Variants in GPM6B observed in about 807,000 individuals in gnomAD.
GPM6B encodes glycoprotein M6B, also known as neuronal membrane glycoprotein M6-b.
A neutral mutation model predicts 27.2 loss-of-function variants in GPM6B; 4 were observed. The observed-to-expected ratio is 0.15, with a 90% CI of 0.07 to 0.34. GPM6B has a LOEUF of 0.34. Ranked by LOEUF, GPM6B falls within the 10% of genes least tolerant of loss-of-function variation. GPM6B has a pLI of 1.00. For missense variants in GPM6B, 183 were observed against 261.9 expected (o/e 0.70, Z 2.08); for synonymous variants, 124 against 103.1 (o/e 1.20, Z -1.23).
At chrX:13,775,964 G>A (rs1054096331) in intron 7 of GPM6B, among the ~76,000 whole-genome samples, 6 of 112,742 alleles carry the variant, frequency 5.3e-5, no homozygotes, top group African/African-American at 9.7e-5. Flanking sequence ...TAAGTGCTCA[G>A]TGCAACAAGG....
intron 1 of GPM6B, among the ~76,000 whole-genome samples, chrX:13,844,258 T>C (rs916107027): frequency 8.9e-6 from 1 of 112,599 alleles, no homozygotes; most frequent in Non-Finnish European, 1.9e-5. Flanking sequence ...GATCTATATG[T>C]CCATTCTTAG....
At chrX:13,870,557 G>A in intron 1 of GPM6B, among the ~76,000 whole-genome samples, 1 of 111,797 alleles carries the variant, frequency 8.9e-6, no homozygotes, top group Non-Finnish European at 1.9e-5. Flanking sequence ...AAATCATAAA[G>A]CAATAACAAC....
chrX:13,896,993 C>T (rs1230194987), intron 1 of GPM6B, among the ~76,000 whole-genome samples: 3 of 112,245 alleles, frequency 2.7e-5, no homozygotes, highest in African/African-American at 9.7e-5. Flanking sequence ...CTTGATTTTA[C>T]CCATGGAAAC....
chrX:13,859,990 T>C (rs922360752), intron 1 of GPM6B, among the ~76,000 whole-genome samples: 2 of 111,807 alleles, frequency 1.8e-5, no homozygotes, highest in African/African-American at 6.5e-5. Flanking sequence ...CCATCCTCCA[T>C]TCCAGTACCA....
At chrX:13,777,274 T>C in intron 6 of GPM6B, 78 bp downstream of exon 6, 1 of 699,839 alleles carries the variant, frequency 1.4e-6, no homozygotes, top group South Asian at 2.2e-5. Context: ...ACCATCTCTC[T>C]CGCTCTTTCT....
intron 1 of GPM6B, among the ~76,000 whole-genome samples, chrX:13,886,920 G>T (rs1447648725): frequency 9.1e-6 from 1 of 109,716 alleles, no homozygotes; most frequent in Non-Finnish European, 1.9e-5. Flanking sequence ...GGGTTCCAGT[G>T]ATTCTCCTCC....
intron 1 of GPM6B, among the ~76,000 whole-genome samples, chrX:13,937,412 G>A (rs1921893129): frequency 9.0e-6 from 1 of 111,665 alleles, no homozygotes; most frequent in South Asian, 3.8e-4. Context: ...TGTGAAAGAG[G>A]GGGATGAATG....
chrX:13,895,488 T>C (rs771372367), intron 1 of GPM6B, among the ~76,000 whole-genome samples: 19 of 111,232 alleles, frequency 1.7e-4, no homozygotes, highest in African/African-American at 5.9e-4. Context: ...AAGAATTATA[T>C]AGCCAGTTAT....
At chrX:13,861,565 C>T (rs1051125494) in intron 1 of GPM6B, among the ~76,000 whole-genome samples, 3 of 111,741 alleles carry the variant, frequency 2.7e-5, no homozygotes, top group African/African-American at 9.8e-5. Context: ...TATTTTGGCT[C>T]TCAGCAATAT....
At chrX:13,863,393 G>A (rs764618269) in intron 1 of GPM6B, among the ~76,000 whole-genome samples, 4 of 111,629 alleles carry the variant, frequency 3.6e-5, no homozygotes, top group Admixed American at 9.6e-5. Context: ...TATAAAAATG[G>A]TAGATGACAA....
chrX:13,843,693 T>C (rs1569253354), intron 1 of GPM6B, among the ~76,000 whole-genome samples: 1 of 112,537 alleles, frequency 8.9e-6, no homozygotes, highest in Non-Finnish European at 1.9e-5. Context: ...ACTAATGATG[T>C]TGAACATCTT....
intron 7 of GPM6B, chrX:13,773,685 C>A (rs1264538134): frequency 9.0e-6 from 1 of 111,340 alleles, no homozygotes; most frequent in African/African-American, 3.3e-5. Flanking sequence ...GCGGCAAACA[C>A]TTCTTTCCTA....
At chrX:13,880,808 T>C (rs1336208721) in intron 1 of GPM6B, among the ~76,000 whole-genome samples, 1 of 110,804 alleles carries the variant, frequency 9.0e-6, no homozygotes, top group Non-Finnish European at 1.9e-5. Flanking sequence ...TGCCTGCTTA[T>C]TGACCTCATC....
chrX:13,895,008 T>A (rs2050220197), intron 1 of GPM6B, among the ~76,000 whole-genome samples: 1 of 111,930 alleles, frequency 8.9e-6, no homozygotes, highest in South Asian at 3.7e-4. Flanking sequence ...ATCATTTTGG[T>A]GAGTAAAAAA....
chrX:13,920,266 C>CA (rs144988935), intron 1 of GPM6B, among the ~76,000 whole-genome samples: 321 of 22,218 alleles, frequency 0.014, 8 homozygotes, highest in African/African-American at 0.039. Context: ...GACTCTGTCT[C>CA]AAAAAAAAAA....
In GPM6B at chrX:13,806,831, C is replaced by G. The variant is rs138330850; in HGVS notation, c.181+819G>C. Among the ~76,000 whole-genome samples, 401 of 111,975 alleles carry G rather than the reference C, an allele frequency of 3.6e-3. 3 individuals carry two copies. The highest frequency in any genetic ancestry group is 0.012 in the African/African-American group (385 of 30,845). On this transcript the variant is annotated intron_variant, in intron 2 of 7. Transcript: ENST00000316715. Reference sequence around the variant, plus strand: ...AAGCCTCTTACTGTGTTTATCCGACCTACCACCAGCCCTTTATGTCTGCAT... The same window carrying G: ...AAGCCTCTTACTGTGTTTATCCGACGTACCACCAGCCCTTTATGTCTGCAT...
chrX:13,804,104 A>C (rs764965523), intron 2 of GPM6B, among the ~76,000 whole-genome samples: 82 of 111,402 alleles, frequency 7.4e-4, no homozygotes, highest in Non-Finnish European at 1.4e-3. Context: ...ACTACCTGGA[A>C]GTCTTATGAA....
At chrX:13,841,941 A>G (rs1386224297) in intron 1 of GPM6B, among the ~76,000 whole-genome samples, 3 of 111,639 alleles carry the variant, frequency 2.7e-5, no homozygotes, top group Non-Finnish European at 3.8e-5. Context: ...TTCTAATTCT[A>G]TTCTATTCAT....
chrX:13,785,530 T>G, intron 3 of GPM6B, 92 bp downstream of exon 3: 1 of 860,509 alleles, frequency 1.2e-6, no homozygotes, highest in South Asian at 2.3e-5. Flanking sequence ...TCAGGTGATC[T>G]GCCTGCCTCA....
Sources: gnomAD v4.1 joint callset for allele counts (sites outside exome capture counted in the v4.1 genomes callset) on GRCh38, gnomAD v4.1.1 for gene constraint, MANE v1.5 for transcripts, NCBI Gene and HGNC (gene_info 2026-07-23, HGNC 2026-07-21) for gene names.